KIAA1958: variants seen among roughly 807,000 people sequenced by gnomAD.
KIAA1958 encodes KIAA1958, also known as uncharacterized protein KIAA1958.
KIAA1958 carries 14 observed loss-of-function variants against 47.2 expected under a neutral mutation model. The ratio of observed to expected loss-of-function variants is 0.30; its 90% CI spans 0.20 to 0.46. KIAA1958 has a LOEUF of 0.46. KIAA1958 is among the 20% of genes least tolerant of loss of function. The pLI is 1.00. For missense variants in KIAA1958, 803 were observed against 909.2 expected, an observed-to-expected ratio of 0.88 and a Z score of 1.50; for synonymous variants, 354 against 353.3, an observed-to-expected ratio of 1.00 and a Z score of -0.02.
intron 1 of KIAA1958, among the ~76,000 whole-genome samples, chr9:112,516,724 CAG>C (rs1451075261): frequency 6.6e-6 from 1 of 152,174 alleles, no homozygotes; most frequent in Non-Finnish European, 1.5e-5. Flanking sequence ...GTAATCAAGA[CAG>C]TGTGCTACTG....
intron 3 of KIAA1958, among the ~76,000 whole-genome samples, chr9:112,658,988 C>G (rs1011965543): frequency 1.0e-4 from 14 of 139,832 alleles, no homozygotes; most frequent in Admixed American, 4.5e-4. Flanking sequence ...CCACTGCACT[C>G]CAGCCTGGGC....
chr9:112,506,614 T>C (rs1236587325), intron 1 of KIAA1958, among the ~76,000 whole-genome samples: 1 of 152,200 alleles, frequency 6.6e-6, no homozygotes, highest in African/African-American at 2.4e-5. Context: ...TTACTTTTTT[T>C]ACTGGGAAAA....
intron 1 of KIAA1958, among the ~76,000 whole-genome samples, chr9:112,541,484 A>G (rs1199948877): frequency 6.6e-6 from 1 of 152,194 alleles, no homozygotes; most frequent in Non-Finnish European, 1.5e-5. Context: ...TTAGTCCTAG[A>G]TGTATACCAA....
intron 2 of KIAA1958, among the ~76,000 whole-genome samples, chr9:112,639,823 A>G (rs572553173): frequency 1.1e-4 from 16 of 152,286 alleles, no homozygotes; most frequent in Admixed American, 2.0e-4. Context: ...ATAAATGTCT[A>G]CCTCATCCTG....
chr9:112,532,291 G>A (rs1321396351), intron 1 of KIAA1958, among the ~76,000 whole-genome samples: 1 of 152,098 alleles, frequency 6.6e-6, no homozygotes, highest in African/African-American at 2.4e-5. Flanking sequence ...AAAGGGAGAT[G>A]CATTTTAAAT....
At chr9:112,644,960 A>G (rs1182979010) in intron 2 of KIAA1958, among the ~76,000 whole-genome samples, 1 of 152,080 alleles carries the variant, frequency 6.6e-6, no homozygotes, top group Non-Finnish European at 1.5e-5. Flanking sequence ...ACATGGTGAA[A>G]CCCCATCTAC....
At chr9:112,555,539 G>A (rs1285146595) in intron 1 of KIAA1958, among the ~76,000 whole-genome samples, 3 of 152,168 alleles carry the variant, frequency 2.0e-5, no homozygotes, top group African/African-American at 7.2e-5. Flanking sequence ...CATATCTCTA[G>A]AGGCTGGAAA....
chr9:112,593,368 G>A (rs970112136), intron 2 of KIAA1958, among the ~76,000 whole-genome samples: 20 of 152,092 alleles, frequency 1.3e-4, no homozygotes, highest in African/African-American at 4.3e-4. Context: ...GGCCACGGAG[G>A]GGGTCAGTGA....
At chr9:112,503,327 G>C (rs1487698091) in intron 1 of KIAA1958, among the ~76,000 whole-genome samples, 1 of 152,028 alleles carries the variant, frequency 6.6e-6, no homozygotes, top group Non-Finnish European at 1.5e-5. Flanking sequence ...AGGGTCAGTT[G>C]GAAATGTGCC....
chr9:112,541,345 T>C (rs1338815673), intron 1 of KIAA1958, among the ~76,000 whole-genome samples: 1 of 44,316 alleles, frequency 2.3e-5, no homozygotes, highest in African/African-American at 1.1e-4. Flanking sequence ...AATCAGAAAA[T>C]TAAATGAAAA....
At position 112,659,464 on chromosome 9, in the gene KIAA1958, G is replaced by C; in HGVS notation, c.1546G>C (p.Val516Leu). The C allele has an allele frequency of 6.2e-7, 1 of 1,613,990 alleles. No individual in the cohort carries two copies. Among genetic ancestry groups the C allele is most frequent in the South Asian group, 1.1e-5 (1 of 91,026 alleles). The change falls in exon 4 of 4, where the codon GTG (valine) becomes CTG (leucine). Residue 516 changes from valine to leucine, a missense_variant. Transcript: ENST00000337530. ...CAAGAAACTCAAGGAGAAGCTGTGG[G>C]TGCTGAGTAAGGCAGGCATGTCGGG... is the stretch of plus-strand genomic sequence containing the variant. ...STKKLKEKLWVLSKAGMSGAR... is the reference protein window; with the variant it reads ...STKKLKEKLWLLSKAGMSGAR...
chr9:112,507,806 C>CT (rs968155089), intron 1 of KIAA1958, among the ~76,000 whole-genome samples: 9 of 150,766 alleles, frequency 6.0e-5, no homozygotes, highest in Admixed American at 2.6e-4. Flanking sequence ...CTCTTTCTTT[C>CT]TTTTTTTTGA....
Position 112,561,140 on chromosome 9 carries a change from C to T in KIAA1958, c.-24-12917C>T, listed in dbSNP as rs530079588. Among the ~76,000 whole-genome samples, 10 of 151,332 alleles carry T rather than the reference C, an allele frequency of 6.6e-5. No homozygotes were observed. The East Asian group carries it at 9.8e-4, about 15-fold the overall frequency. On this transcript the variant is annotated intron_variant, in intron 1 of 3. Transcript: ENST00000337530. ...TGTGATCTTGGCTCACTGCAAGCTC[C>T]GCCTCCCAGGTTGACGCCATTCTCC...
At chr9:112,650,027 A>G (rs1837032374) in intron 3 of KIAA1958, among the ~76,000 whole-genome samples, 1 of 152,100 alleles carries the variant, frequency 6.6e-6, no homozygotes, top group South Asian at 2.1e-4. Context: ...ATAAAATGGA[A>G]TAGTAAAAAT....
In KIAA1958 at chr9:112,541,379, T is replaced by C. The variant is rs144366338; in HGVS notation, c.-24-32678T>C. Among the ~76,000 whole-genome samples the C allele has an allele frequency of 2.1e-3, 312 of 151,562 alleles. 1 individual carries two copies. Among genetic ancestry groups the C allele is most frequent in the Middle Eastern group, 3.4e-3 (1 of 292 alleles). On this transcript the variant is annotated intron_variant, in intron 1 of 3. Coordinates refer to ENST00000337530, the MANE Select transcript of KIAA1958 (RefSeq NM_133465.4). ...AAAAAAAAAAAATTAAGAAAAGCAA[T>C]CCTAAAATGTAGAGCAAAAATAATA...
rs1240142706 is a variant in KIAA1958 at position 112,493,001 on chromosome 9, C to G, written c.-25+5883C>G. 2.1e-5 allele frequency among the ~76,000 whole-genome samples: 3 copies of G among 144,620 alleles called. No individual in the cohort carries two copies. In the Admixed American group the frequency reaches 2.2e-4, roughly 11 times the overall value. 94.9% of individuals were successfully genotyped at this position (144,620 alleles called of 152,430 possible). On this transcript the variant is annotated intron_variant, in intron 1 of 3. Coordinates refer to ENST00000337530, the MANE Select transcript of KIAA1958 (RefSeq NM_133465.4). ...TCCTGGGCTCATGATATCCTCCTAT[C>G]TGGGCCTCCCAAAGTGCTGGGATTA...
At chr9:112,650,559 A>G (rs1837040863) in intron 3 of KIAA1958, among the ~76,000 whole-genome samples, 1 of 152,112 alleles carries the variant, frequency 6.6e-6, no homozygotes, top group Non-Finnish European at 1.5e-5. Context: ...ATATAAAACA[A>G]AGAGATAGAG....
intron 1 of KIAA1958, among the ~76,000 whole-genome samples, chr9:112,565,439 C>A (rs1835411953): frequency 6.6e-6 from 1 of 152,164 alleles, no homozygotes; most frequent in Non-Finnish European, 1.5e-5. Context: ...CACTTGATAA[C>A]TCTGTAAGTG....
chr9:112,619,762 A>G (rs749852732), intron 2 of KIAA1958, among the ~76,000 whole-genome samples: 19 of 152,198 alleles, frequency 1.2e-4, no homozygotes, highest in Non-Finnish European at 2.1e-4. Flanking sequence ...ATTTAAAGCT[A>G]CCAAAGCTTT....
Sources: gnomAD v4.1 joint callset for allele counts (sites outside exome capture counted in the v4.1 genomes callset) on GRCh38, gnomAD v4.1.1 for gene constraint, MANE v1.5 for transcripts, NCBI Gene and HGNC (gene_info 2026-07-23, HGNC 2026-07-21) for gene names.